The following CAVIN1 variants were observed in gnomAD, a reference collection of about 807,000 sequenced individuals.
CAVIN1 encodes caveolae-associated protein 1.
In CAVIN1, 16 loss-of-function variants were observed where a neutral mutation model predicts 24.0. That is an observed-to-expected ratio of 0.67 (90% confidence interval 0.45 to 1.01). CAVIN1 has a LOEUF of 1.01. Among genes scored for constraint, CAVIN1 ranks in the 50% least tolerant of loss-of-function variants. CAVIN1 has a pLI of 0.00. For missense variants in CAVIN1, 510 were observed against 551.7 expected, an observed-to-expected ratio of 0.92 and a Z score of 0.76; for synonymous variants, 256 against 256.4, an observed-to-expected ratio of 1.00 and a Z score of 0.02.
At chr17:42,422,180 C>G (rs1485954672) in intron 1 of CAVIN1, among the ~76,000 whole-genome samples, 1 of 152,188 alleles carries the variant, frequency 6.6e-6, no homozygotes, top group African/African-American at 2.4e-5. Context: ...GCCCCAGGCC[C>G]GGGCCCCGCA....
Position 42,404,794 on chromosome 17 carries a change from C to T in CAVIN1, c.1066G>A (p.Gly356Arg), listed in dbSNP as rs552276447. ...ADDDEGGAERGEAGDLRRGSS... is the reference protein window; with the variant it reads ...ADDDEGGAERREAGDLRRGSS... ...CCGCGCCGCAGGTCGCCGGCCTCCC[C>T]GCGCTCCGCGCCGCCCTCGTCGTCG... The change falls in exon 2 of 2, where the codon GGG (glycine) becomes AGG (arginine). Residue 356 changes from glycine (G) to arginine (R), a missense_variant. By Grantham distance (125) the Gly-to-Arg change is moderately radical (BLOSUM62 -2). Transcript: ENST00000357037. 8 of 1,602,838 alleles carry T rather than the reference C, an allele frequency of 5.0e-6. No homozygotes were observed. Among genetic ancestry groups the T allele is most frequent in the South Asian group, 1.1e-5 (1 of 90,154 alleles).
At chr17:42,415,165 C>T (rs1253631869) in intron 1 of CAVIN1, among the ~76,000 whole-genome samples, 2 of 152,128 alleles carry the variant, frequency 1.3e-5, no homozygotes, top group Admixed American at 6.6e-5. Flanking sequence ...CAGCAAGTGT[C>T]GGAGCCACAG....
chr17:42,408,010 C>T (rs1050690749), intron 1 of CAVIN1, among the ~76,000 whole-genome samples: 2 of 151,948 alleles, frequency 1.3e-5, no homozygotes, highest in African/African-American at 4.8e-5. Flanking sequence ...AATTTACCTG[C>T]AGCCCCAGTA....
intron 1 of CAVIN1, chr17:42,411,709 T>G: frequency 1.5e-5 from 15 of 985,368 alleles, no homozygotes; most frequent in Non-Finnish European, 1.8e-5. Flanking sequence ...GGGTTGTCCC[T>G]CAGGAGGAGG....
chr17:42,419,882 CG>C (rs2085534574), intron 1 of CAVIN1, among the ~76,000 whole-genome samples: 1 of 143,658 alleles, frequency 7.0e-6, no homozygotes, highest in East Asian at 2.0e-4. Context: ...TGCTGAATTT[CG>C]TGTGTGTGTG....
chr17:42,411,332 C>G, intron 1 of CAVIN1: 3 of 546,686 alleles, frequency 5.5e-6, no homozygotes, highest in Non-Finnish European at 7.0e-6. Flanking sequence ...GTGGGAGGAT[C>G]ACTTGAGCCC....
rs2085432868 is a variant in CAVIN1, at chr17:42,404,887, C to T, written c.973G>A (p.Val325Ile). Residue 325 changes from valine (V) to isoleucine (I), a missense_variant, in exon 2 of 2, where the codon GTC becomes ATC. Physicochemically the swap from Val to Ile is conservative, Grantham distance 29 (BLOSUM62 3). Coordinates refer to ENST00000357037, the MANE Select transcript of CAVIN1 (RefSeq NM_012232.6). ...ACCTGGCCCTCGCGGATCTTCTTGA[C>T]GTGGAAGGTGAAGGGTGGCACCTTG... ...VYKVPPFTFH[V>I]KKIREGQVEV... 1 of 1,613,956 alleles carries T rather than the reference C, an allele frequency of 6.2e-7. No individual in the cohort carries two copies. Among genetic ancestry groups the T allele is most frequent in the East Asian group, 2.2e-5 (1 of 44,852 alleles).
At chr17:42,412,956 G>A (rs1490749223) in intron 1 of CAVIN1, among the ~76,000 whole-genome samples, 9 of 149,668 alleles carry the variant, frequency 6.0e-5, no homozygotes, top group Admixed American at 2.7e-4. Context: ...TCTCTCTATC[G>A]CCCAGGCTGC....
chr17:42,409,883 C>T (rs533464681), intron 1 of CAVIN1, among the ~76,000 whole-genome samples: 64 of 152,156 alleles, frequency 4.2e-4, no homozygotes, highest in Non-Finnish European at 7.4e-4. Context: ...ACAAAACCAC[C>T]ACTCCCAATA....
In CAVIN1 at chr17:42,403,732, T is replaced by C; in HGVS notation, c.*955A>G. 6.6e-6 allele frequency: 1 copy of C among 152,484 alleles called. No homozygotes were observed. The highest frequency in any genetic ancestry group is 1.5e-5 in the Non-Finnish European group (1 of 68,160). 9.4% of individuals were successfully genotyped at this position (152,484 alleles called of 1,614,324 possible). A position where few individuals can be genotyped will look rare whatever the true frequency, so the allele number is the denominator to read the frequency against. On this transcript the variant is annotated 3_prime_UTR_variant, in exon 2 of 2. Transcript: ENST00000357037. ...ACCTCCACCTCCCAGGTTCAAGCAA[T>C]TCTCCCCACCTCAGCCTCCAAAGTA...
rs1440689336 is a variant in CAVIN1, at chr17:42,422,870, C to T, written c.228G>A (p.Glu76=). Residue 76 remains glutamate, a synonymous_variant, in exon 1 of 2, where the codon GAG becomes GAA. Transcript: ENST00000357037. ...CGCCCTCCATCTCCGCCTGCCGCTC[C>T]TCCAGCTGTGCTTGAGTCAGCTGGA... ...DQIQLTQAQL[E]ERQAEMEGAV... The T allele has an allele frequency of 6.2e-7, 1 of 1,614,126 alleles. No individual in the cohort carries two copies. Among genetic ancestry groups the T allele is most frequent in the South Asian group, 1.1e-5 (1 of 91,086 alleles).
chr17:42,404,808 C>T lies in CAVIN1; in HGVS notation c.1052G>A (p.Gly351Asp), dbSNP rs1598570196. ...GCCGGCCTCCCCGCGCTCCGCGCCG[C>T]CCTCGTCGTCGTCGGCGCCCACCTC... ...MVEVGADDDE[G>D]GAERGEAGDL... is the part of the protein sequence containing the mutation. The change falls in exon 2 of 2, where the codon GGC becomes GAC. Residue 351 changes from glycine to aspartate, a missense_variant. By Grantham distance (94) the Gly-to-Asp change is moderately conservative (BLOSUM62 -1). Coordinates refer to ENST00000357037, the MANE Select transcript of CAVIN1 (RefSeq NM_012232.6). 2.7e-5 allele frequency: 43 copies of T among 1,611,050 alleles called. No homozygotes were observed. The highest frequency in any genetic ancestry group is 3.6e-5 in the Non-Finnish European group (42 of 1,178,634).
chr17:42,405,683 T>TTTTTTTTTTTC, intron 1 of CAVIN1, among the ~76,000 whole-genome samples: 1 of 13,308 alleles, frequency 7.5e-5, no homozygotes, highest in Non-Finnish European at 6.2e-4. Flanking sequence ...TCTCTCCTTG[T>TTTTTTTTTTTC]TTTTTTTTTT....
intron 1 of CAVIN1, among the ~76,000 whole-genome samples, chr17:42,420,649 T>C (rs911291927): frequency 8.5e-5 from 13 of 152,134 alleles, no homozygotes; most frequent in Non-Finnish European, 1.6e-4. Context: ...CCCTAAAATA[T>C]AGACATATCC....
rs758609413 is a variant in CAVIN1 at position 42,411,207 on chromosome 17, A to AAAAAAAAAAAAAAAAAAAAAAAAAAAAC, written c.472-5820_472-5819insGTTTTTTTTTTTTTTTTTTTTTTTTTTT. ...GACTATGTCTCAAAAAAAAAAAAAA[A>AAAAAAAAAAAAAAAAAAAAAAAAAAAAC]AACTAAAAGGTCTGTATATGGGAGT... On this transcript the variant is annotated intron_variant, in intron 1 of 1. Coordinates refer to ENST00000357037, the MANE Select transcript of CAVIN1 (RefSeq NM_012232.6). Among the ~76,000 whole-genome samples the AAAAAAAAAAAAAAAAAAAAAAAAAAAAC allele has an allele frequency of 4.7e-5, 6 of 127,616 alleles. 1 individual carries two copies. The highest frequency in any genetic ancestry group is 3.2e-4 in the East Asian group (1 of 3,158). The allele number at this position is 127,616 out of a possible 152,430, so 83.7% of individuals were successfully genotyped here.
rs145641301 is a variant in CAVIN1, at chr17:42,411,752, C to T, written c.472-6364G>A. On this transcript the variant is annotated intron_variant, in intron 1 of 1. Coordinates refer to ENST00000357037, the MANE Select transcript of CAVIN1 (RefSeq NM_012232.6). ...GGGAACGGCAGAACCAGAAGCCATG[C>T]GCCTTCATGCTAGGCAGCCTTCGGG... The T allele has an allele frequency of 4.1e-5, 40 of 985,406 alleles. No homozygotes were observed. The East Asian group carries it at 3.5e-3, about 87-fold the overall frequency. The allele number at this position is 985,406 out of a possible 1,614,324, so 61.0% of individuals were successfully genotyped here. A position where few individuals can be genotyped will look rare whatever the true frequency, so the allele number is the denominator to read the frequency against.
rs996019760 is a variant in CAVIN1, at chr17:42,411,398, T to A, written c.472-6010A>T. 5.1e-6 allele frequency: 5 copies of A among 983,424 alleles called. No individual in the cohort carries two copies. In the African/African-American group the frequency reaches 8.8e-5, roughly 17 times the overall value. 60.9% of individuals were successfully genotyped at this position (983,424 alleles called of 1,614,324 possible). A position where few individuals can be genotyped will look rare whatever the true frequency, so the allele number is the denominator to read the frequency against. On this transcript the variant is annotated intron_variant, in intron 1 of 1. Coordinates refer to ENST00000357037, the MANE Select transcript of CAVIN1 (RefSeq NM_012232.6). ...GTCCAACCCCATCTCTAAAAAAAAT[T>A]TTTTTAACATTTTTTTTAAGTTGAG... is the stretch of plus-strand genomic sequence containing the variant.
At chr17:42,406,681 G>A (rs1480883856) in intron 1 of CAVIN1, among the ~76,000 whole-genome samples, 1 of 152,094 alleles carries the variant, frequency 6.6e-6, no homozygotes. Context: ...CTGGCCTCAA[G>A]CTATTTCAGA....
intron 1 of CAVIN1, among the ~76,000 whole-genome samples, chr17:42,422,387 G>A (rs1251050897): frequency 6.6e-6 from 1 of 152,178 alleles, no homozygotes; most frequent in East Asian, 1.9e-4. Context: ...GAGTGGGGAG[G>A]TGCGAGGTGC....
Sources: allele counts gnomAD v4.1 joint callset (sites outside exome capture counted in the v4.1 genomes callset), GRCh38; gene constraint gnomAD v4.1.1; transcripts MANE v1.5; gene names NCBI Gene and HGNC (gene_info 2026-07-23, HGNC 2026-07-21).